Variants in LSAMP observed in about 807,000 individuals in gnomAD.
LSAMP encodes limbic system associated membrane protein.
Under a neutral mutation model 38.6 loss-of-function variants are expected in LSAMP, and 7 were observed. The ratio of observed to expected loss-of-function variants is 0.18; its 90% CI spans 0.10 to 0.34. The LOEUF is 0.34. Among genes scored for constraint, LSAMP ranks in the 10% least tolerant of loss-of-function variants. The pLI, the probability that LSAMP is intolerant of heterozygous loss-of-function variation, is 1.00. For synonymous variants in LSAMP, 154 were observed against 166.8 expected (o/e 0.92, Z 0.59); for missense variants, 313 against 420.0 (o/e 0.75, Z 2.23).
At chr3:116,255,188 T>C (rs187476363) in intron 1 of LSAMP, among the ~76,000 whole-genome samples, 180 of 152,246 alleles carry the variant, frequency 1.2e-3, no homozygotes, top group African/African-American at 4.0e-3. Context: ...AACTTGCTTA[T>C]GTACTGACTT....
intron 1 of LSAMP, among the ~76,000 whole-genome samples, chr3:116,428,034 G>A (rs2049226972): frequency 6.6e-6 from 1 of 151,928 alleles, no homozygotes; most frequent in African/African-American, 2.4e-5. Context: ...ATGTCTTTTT[G>A]TATTTGTTCC....
chr3:115,805,410 A>G lies in LSAMP; in HGVS notation c.*4907T>C, dbSNP rs1204743702. ...TTTGATTTTTTTTTCCTTAAGAATC[A>G]TAGTAAACCTTAGCAGTAGTTGGGC... On this transcript the variant is annotated 3_prime_UTR_variant, in exon 7 of 7. Coordinates refer to ENST00000490035, the MANE Select transcript of LSAMP (RefSeq NM_002338.5). 1 of 152,136 alleles carries G rather than the reference A, an allele frequency of 6.6e-6. No homozygotes were observed. The highest frequency in any genetic ancestry group is 1.5e-5 in the Non-Finnish European group (1 of 68,008). The allele number at this position is 152,136 out of a possible 1,614,324, so 9.4% of individuals were successfully genotyped here.
At chr3:116,101,366 T>G (rs973288869) in intron 1 of LSAMP, among the ~76,000 whole-genome samples, 4 of 152,230 alleles carry the variant, frequency 2.6e-5, no homozygotes, top group Non-Finnish European at 5.9e-5. Context: ...CTATGATACA[T>G]CTACGTTATA....
intron 1 of LSAMP, among the ~76,000 whole-genome samples, chr3:116,317,433 G>T (rs2047646035): frequency 6.6e-6 from 1 of 150,758 alleles, no homozygotes; most frequent in African/African-American, 2.4e-5. Flanking sequence ...TCGGCTCACT[G>T]CAAGCTCCAC....
chr3:115,870,726 A>T (rs1431205400), intron 3 of LSAMP, among the ~76,000 whole-genome samples: 2 of 151,970 alleles, frequency 1.3e-5, no homozygotes, highest in Non-Finnish European at 2.9e-5. Flanking sequence ...AGCTTTAAAC[A>T]CTCCAGCTGC....
chr3:116,359,631 T>C (rs1189435697), intron 1 of LSAMP, among the ~76,000 whole-genome samples: 2 of 152,184 alleles, frequency 1.3e-5, no homozygotes, highest in Admixed American at 1.3e-4. Context: ...GTTTGTTACA[T>C]AGGTAAGCAT....
At chr3:115,878,725 G>T (rs965745053) in intron 3 of LSAMP, among the ~76,000 whole-genome samples, 8 of 151,986 alleles carry the variant, frequency 5.3e-5, no homozygotes, top group Admixed American at 5.2e-4. Context: ...GCCTCCCAAA[G>T]TGCTGGGATT....
intron 3 of LSAMP, among the ~76,000 whole-genome samples, chr3:115,983,969 A>C (rs9879212): frequency 0.033 from 5,049 of 152,282 alleles, 255 homozygotes; most frequent in African/African-American, 0.11. Flanking sequence ...ATAGAACAAT[A>C]ATTTGACAGC....
chr3:116,295,152 AAGT>A (rs1179638996), intron 1 of LSAMP, among the ~76,000 whole-genome samples: 1 of 152,244 alleles, frequency 6.6e-6, no homozygotes, highest in African/African-American at 2.4e-5. Context: ...GAAAAAGAAA[AAGT>A]AGCCAGAATT....
intron 1 of LSAMP, among the ~76,000 whole-genome samples, chr3:116,378,219 G>A (rs2048517004): frequency 6.6e-6 from 1 of 152,048 alleles, no homozygotes; most frequent in Admixed American, 6.6e-5. Context: ...GCCATGCTCA[G>A]TTCCAGGTGA....
intron 1 of LSAMP, among the ~76,000 whole-genome samples, chr3:116,370,953 T>C (rs965562864): frequency 1.3e-5 from 2 of 152,158 alleles, no homozygotes; most frequent in African/African-American, 4.8e-5. Context: ...GAGAAAATTG[T>C]ATACCAGCAA....
intron 1 of LSAMP, among the ~76,000 whole-genome samples, chr3:116,146,735 G>T (rs1444215257): frequency 6.6e-6 from 1 of 151,844 alleles, no homozygotes; most frequent in Non-Finnish European, 1.5e-5. Context: ...ATAACTAAAG[G>T]ATTGTCAAAT....
At chr3:116,273,683 C>CAGATAG (rs150705226) in intron 1 of LSAMP, among the ~76,000 whole-genome samples, 1 of 50,528 alleles carries the variant, frequency 2.0e-5, no homozygotes, top group Non-Finnish European at 3.2e-5. Context: ...GAGAAAGAGG[C>CAGATAG]ATATATATAT....
chr3:115,844,340 G>A (rs542127429), intron 4 of LSAMP, among the ~76,000 whole-genome samples: 1 of 152,268 alleles, frequency 6.6e-6, no homozygotes, highest in East Asian at 1.9e-4. Flanking sequence ...GGAAATTTGA[G>A]GTCTGATTTT....
At chr3:116,423,008 T>C (rs558477279) in intron 1 of LSAMP, among the ~76,000 whole-genome samples, 1 of 152,342 alleles carries the variant, frequency 6.6e-6, no homozygotes, top group South Asian at 2.1e-4. Flanking sequence ...TGAGAGTTGT[T>C]ACTTTATTTC....
chr3:116,119,123 A>G (rs1456476270), intron 1 of LSAMP, among the ~76,000 whole-genome samples: 2 of 152,218 alleles, frequency 1.3e-5, no homozygotes, highest in Non-Finnish European at 2.9e-5. Context: ...CTATTTGCAT[A>G]ACAACTTTGT....
intron 1 of LSAMP, among the ~76,000 whole-genome samples, chr3:116,138,637 G>A (rs1709304137): frequency 6.6e-6 from 1 of 151,998 alleles, no homozygotes; most frequent in East Asian, 1.9e-4. Flanking sequence ...GGAGGTCTCA[G>A]TAGATGCAGC....
At chr3:116,237,311 G>T (rs991084779) in intron 1 of LSAMP, among the ~76,000 whole-genome samples, 7 of 152,238 alleles carry the variant, frequency 4.6e-5, no homozygotes, top group Admixed American at 2.6e-4. Flanking sequence ...CAGTGTGCTT[G>T]TAAGTAAGTA....
intron 4 of LSAMP, among the ~76,000 whole-genome samples, chr3:115,848,385 C>T (rs2107516145): frequency 6.6e-6 from 1 of 152,254 alleles, no homozygotes; most frequent in South Asian, 2.1e-4. Context: ...GATTGGGCCA[C>T]CGCACTCCAG....
Sources: allele counts gnomAD v4.1 joint callset (sites outside exome capture counted in the v4.1 genomes callset), GRCh38; gene constraint gnomAD v4.1.1; transcripts MANE v1.5; gene names NCBI Gene and HGNC (gene_info 2026-07-23, HGNC 2026-07-21).